CPED1: variants seen among roughly 807,000 people sequenced by gnomAD.
The protein encoded by CPED1 is cadherin like and PC-esterase domain containing 1.
In CPED1, 114 loss-of-function variants were observed where a neutral mutation model predicts 128.2. That is an observed-to-expected ratio of 0.89 (90% CI 0.76 to 1.04). CPED1 has a LOEUF of 1.04. CPED1 is among the 50% of genes least tolerant of loss of function. The probability of loss-of-function intolerance (pLI) is 0.00; values close to 1 mark genes in which losing one functional copy is unlikely to be tolerated. For synonymous variants in CPED1, 462 were observed against 426.7 expected (o/e 1.08, Z -1.02); for missense variants, 1,211 against 1,207.1 (o/e 1.00, Z -0.05).
At chr7:121,139,601 G>A (rs1584541295) in intron 14 of CPED1, among the ~76,000 whole-genome samples, 1 of 152,100 alleles carries the variant, frequency 6.6e-6, no homozygotes, top group East Asian at 1.9e-4. Context: ...CAGCTGGAGA[G>A]CAAGACAAGG....
intron 7 of CPED1, among the ~76,000 whole-genome samples, chr7:121,119,892 A>G (rs997652947): frequency 2.6e-5 from 4 of 152,080 alleles, no homozygotes; most frequent in South Asian, 2.1e-4. Context: ...TACTCTAGAT[A>G]CCTCACATAA....
At chr7:121,189,799 A>T (rs3958029) in intron 16 of CPED1, among the ~76,000 whole-genome samples, 2,187 of 30,930 alleles carry the variant, frequency 0.071, 140 homozygotes, top group East Asian at 0.086. Flanking sequence ...TATATATATA[A>T]AATTTGTATT....
rs547173497 is a variant in CPED1 at position 121,066,309 on chromosome 7, GGTTTTTT to G, written c.616+2011_616+2017del. On this transcript the variant is annotated intron_variant, in intron 5 of 22. Coordinates refer to ENST00000310396, the MANE Select transcript of CPED1 (RefSeq NM_024913.5). ...CACTTATTCTCTGTGTGACTTCAGG[GGTTTTTT>G]GTTTTTTGTTTTTTTAATCCACAAA... 1.7e-3 allele frequency among the ~76,000 whole-genome samples: 255 copies of G among 151,776 alleles called. 1 individual carries two copies. Among genetic ancestry groups the G allele is most frequent in the African/African-American group, 5.7e-3 (235 of 41,394 alleles).
At chr7:120,998,196 C>G (rs140117994) in intron 2 of CPED1, among the ~76,000 whole-genome samples, 1 of 152,124 alleles carries the variant, frequency 6.6e-6, no homozygotes, top group East Asian at 1.9e-4. Context: ...TCCAGAATTA[C>G]GAGATTTAGT....
Position 121,238,206 on chromosome 7 carries a change from C to T in CPED1, c.2173+1375C>T, listed in dbSNP as rs1221015992. On this transcript the variant is annotated intron_variant, in intron 17 of 22. Coordinates refer to ENST00000310396, the MANE Select transcript of CPED1 (RefSeq NM_024913.5). ...CATTGTGGGTGAGGCCGCCATAGAA[C>T]GGTGGCCTTCTGGTACTTAAGGAGC... Among the ~76,000 whole-genome samples the T allele has an allele frequency of 5.9e-5, 9 of 152,126 alleles. No individual in the cohort carries two copies. The East Asian group carries it at 9.6e-4, about 16-fold the overall frequency.
In CPED1 at chr7:121,017,544, C is replaced by T. The variant is rs533534213; in HGVS notation, c.433+1696C>T. On this transcript the variant is annotated intron_variant, in intron 3 of 22. Coordinates refer to ENST00000310396, the MANE Select transcript of CPED1 (RefSeq NM_024913.5). ...AACTACTGCACACTGCCATGGGACC[C>T]ATGCTCTTGGAGCCGTGCAGAATGG... is the stretch of plus-strand genomic sequence containing the variant. 1.4e-4 allele frequency among the ~76,000 whole-genome samples: 21 copies of T among 152,282 alleles called. No individual in the cohort carries two copies. In the South Asian group the frequency reaches 4.1e-3, roughly 30 times the overall value.
At chr7:121,258,424 G>A (rs1791939478) in intron 18 of CPED1, among the ~76,000 whole-genome samples, 2 of 152,136 alleles carry the variant, frequency 1.3e-5, no homozygotes, top group Non-Finnish European at 2.9e-5. Flanking sequence ...GAAAGATCTA[G>A]AAAAGTTGCC....
At chr7:121,143,847 G>GAC (rs558685720) in intron 16 of CPED1, among the ~76,000 whole-genome samples, 244 of 151,786 alleles carry the variant, frequency 1.6e-3, no homozygotes, top group African/African-American at 5.6e-3. Context: ...CCCATAAAAA[G>GAC]ACACACACAC....
intron 3 of CPED1, among the ~76,000 whole-genome samples, chr7:121,018,908 C>A (rs1792370216): frequency 6.6e-6 from 1 of 152,044 alleles, no homozygotes; most frequent in Non-Finnish European, 1.5e-5. Context: ...TTTGCACCAT[C>A]CTTTGAAGGA....
rs554545633 is a variant in CPED1 at position 121,093,263 on chromosome 7, T to C, written c.617-4436T>C. Reference sequence around the variant, plus strand: ...AGGTTGAACATTATGAAATTGCTGATATTTGATCAACATTCAACAATTTTT... The same window carrying C: ...AGGTTGAACATTATGAAATTGCTGACATTTGATCAACATTCAACAATTTTT... On this transcript the variant is annotated intron_variant, in intron 5 of 22. Coordinates refer to ENST00000310396, the MANE Select transcript of CPED1 (RefSeq NM_024913.5). Among the ~76,000 whole-genome samples, 7 of 152,266 alleles carry C rather than the reference T, an allele frequency of 4.6e-5. No individual in the cohort carries two copies. The East Asian group carries it at 1.3e-3, about 29-fold the overall frequency.
intron 5 of CPED1, among the ~76,000 whole-genome samples, chr7:121,095,676 G>A (rs888257133): frequency 2.6e-5 from 4 of 152,060 alleles, no homozygotes; most frequent in African/African-American, 7.2e-5. Context: ...GGCAATTCCT[G>A]TATTGGACCC....
chr7:121,137,549 A>G (rs1795811556), intron 14 of CPED1, among the ~76,000 whole-genome samples: 1 of 152,090 alleles, frequency 6.6e-6, no homozygotes, highest in Non-Finnish European at 1.5e-5. Flanking sequence ...TTCATTCATG[A>G]TGTTTTATCA....
At chr7:121,117,226 G>A (rs189129502) in intron 7 of CPED1, among the ~76,000 whole-genome samples, 2,535 of 151,072 alleles carry the variant, frequency 0.017, 32 homozygotes, top group Middle Eastern at 0.031. Flanking sequence ...TCAGCCTCCC[G>A]AGTAGCTGGG....
At chr7:121,167,619 A>C (rs1219112153) in intron 16 of CPED1, among the ~76,000 whole-genome samples, 1 of 152,186 alleles carries the variant, frequency 6.6e-6, no homozygotes, top group Admixed American at 6.5e-5. Flanking sequence ...AACAGACACC[A>C]TAACATATTT....
At chr7:121,203,639 C>T (rs921403378) in intron 16 of CPED1, among the ~76,000 whole-genome samples, 2 of 152,080 alleles carry the variant, frequency 1.3e-5, no homozygotes, top group Admixed American at 6.6e-5. Flanking sequence ...CCCTCCTGTG[C>T]TGCTTCTGTC....
At chr7:121,289,720 T>C (rs1478085045) in intron 22 of CPED1, among the ~76,000 whole-genome samples, 1 of 152,204 alleles carries the variant, frequency 6.6e-6, no homozygotes, top group Non-Finnish European at 1.5e-5. Context: ...TCATTGATAA[T>C]AGTTTATATG....
intron 16 of CPED1, among the ~76,000 whole-genome samples, chr7:121,207,965 C>T (rs916703351): frequency 6.6e-6 from 1 of 151,982 alleles, no homozygotes; most frequent in Non-Finnish European, 1.5e-5. Flanking sequence ...CCTTCCCCAC[C>T]AACCTAATGC....
chr7:121,287,043 T>C (rs1271407470), intron 22 of CPED1, among the ~76,000 whole-genome samples: 3 of 151,666 alleles, frequency 2.0e-5, no homozygotes, highest in Non-Finnish European at 2.9e-5. Context: ...TCACTCACTG[T>C]TATGAAAACA....
chr7:121,237,393 T>G (rs115080280), intron 17 of CPED1, among the ~76,000 whole-genome samples: 2 of 152,238 alleles, frequency 1.3e-5, no homozygotes, highest in African/African-American at 4.8e-5. Context: ...AAAAAAAAGT[T>G]AGGGGGCATG....
Sources: gnomAD v4.1 joint callset for allele counts (sites outside exome capture counted in the v4.1 genomes callset) on GRCh38, gnomAD v4.1.1 for gene constraint, MANE v1.5 for transcripts, NCBI Gene and HGNC (gene_info 2026-07-23, HGNC 2026-07-21) for gene names.